Variants in NPIPB2 observed in about 807,000 individuals in gnomAD.
The protein encoded by NPIPB2 is nuclear pore complex-interacting protein family member B2.
In NPIPB2, 27 loss-of-function variants were observed where a neutral mutation model predicts 30.8. The ratio of observed to expected loss-of-function variants is 0.88; its 90% CI spans 0.65 to 1.21. The LOEUF (loss-of-function observed/expected upper bound fraction) is 1.21. Ranked by LOEUF, NPIPB2 falls within the 50% of genes most tolerant of loss-of-function variation. The pLI, the probability that NPIPB2 is intolerant of heterozygous loss-of-function variation, is 0.00. For missense variants in NPIPB2, 440 were observed against 446.2 expected (o/e 0.99, Z 0.13); for synonymous variants, 147 against 162.0 (o/e 0.91, Z 0.70).
intron 1 of NPIPB2, chr16:11,965,139 G>T (rs2055182954): frequency 1.5e-6 from 1 of 654,234 alleles, no homozygotes; most frequent in Non-Finnish European, 2.6e-6. Flanking sequence ...AATTAGATGT[G>T]GTATTCAAAT....
At chr16:11,974,643 TC>T (rs1266923579) in intron 1 of NPIPB2, among the ~76,000 whole-genome samples, 1 of 152,324 alleles carries the variant, frequency 6.6e-6, no homozygotes, top group East Asian at 1.9e-4. Flanking sequence ...TTAAAACATC[TC>T]CTTAAGTGTA....
At chr16:11,944,575 C>T (rs2054982642), upstream of NPIPB2, among the ~76,000 whole-genome samples, 1 of 150,150 alleles carries the variant, frequency 6.7e-6, no homozygotes, top group African/African-American at 2.4e-5. Flanking sequence ...CCAGCCTGAC[C>T]AACATGGCAA....
In NPIPB2 at chr16:11,933,077, A is replaced by G. The variant is rs1346793890; in HGVS notation, c.488+440T>C. 1.3e-5 allele frequency among the ~76,000 whole-genome samples: 2 copies of G among 151,882 alleles called. 1 individual carries two copies. On this transcript the variant is annotated intron_variant, in intron 4 of 7. Coordinates refer to ENST00000399147, the Ensembl canonical transcript of NPIPB2. ...GAAGTTCGAGACCAGCCTGGACAAC[A>G]TGGTGAAACCCCATCTCTAGTAAAA...
At chr16:11,966,386 C>G (rs1289933683) in intron 1 of NPIPB2, 5 of 1,574,492 alleles carry the variant, frequency 3.2e-6, no homozygotes, top group Non-Finnish European at 4.3e-6. Context: ...CAGGGGATGG[C>G]TATTGTGAGT....
chr16:11,932,008 C>G (rs1434365609), intron 4 of NPIPB2, among the ~76,000 whole-genome samples: 6 of 150,874 alleles, frequency 4.0e-5, no homozygotes, highest in African/African-American at 1.5e-4. Context: ...GATTGAGGGT[C>G]TGCCAATGAA....
chr16:11,935,369 A>C (rs1222028616), intron 2 of NPIPB2, among the ~76,000 whole-genome samples: 1 of 152,164 alleles, frequency 6.6e-6, no homozygotes, highest in Non-Finnish European at 1.5e-5. Flanking sequence ...GCTGAAGTGC[A>C]GTGGCGCTAC....
chr16:11,942,808 G>T (rs1038114239), upstream of NPIPB2, among the ~76,000 whole-genome samples: 5 of 152,048 alleles, frequency 3.3e-5, no homozygotes, highest in African/African-American at 1.2e-4. Flanking sequence ...TCCTGGCCCT[G>T]TCCTCAGCTA....
intron 1 of NPIPB2, chr16:11,941,725 G>A (rs1486218090): frequency 1.4e-5 from 11 of 769,538 alleles, no homozygotes; most frequent in African/African-American, 1.1e-4. Context: ...CACAATGGAC[G>A]TGCCTCACAA....
chr16:11,974,660 A>G (rs556092293), intron 1 of NPIPB2, among the ~76,000 whole-genome samples: 1 of 152,318 alleles, frequency 6.6e-6, no homozygotes, highest in East Asian at 1.9e-4. Context: ...GTGTATGCTT[A>G]TGTGTACAAG....
Position 11,964,950 on chromosome 16 carries a change from A to G in NPIPB2, c.-584+11618T>C, listed in dbSNP as rs559080559. ...CTCACAGAGTACAGCTTATTAACAG[A>G]TGTTCCAGAAACTGTTACTGAACAT... On this transcript the variant is annotated intron_variant, in intron 1 of 5. Coordinates refer to the NPIPB2 transcript ENST00000538896. Among the ~76,000 whole-genome samples, 6 of 152,300 alleles carry G rather than the reference A, an allele frequency of 3.9e-5. No homozygotes were observed. In the East Asian group the frequency reaches 1.2e-3, roughly 29 times the overall value.
chr16:11,956,852 T>C (rs553596531), intron 1 of NPIPB2, among the ~76,000 whole-genome samples: 14 of 152,290 alleles, frequency 9.2e-5, no homozygotes, highest in African/African-American at 3.1e-4. Flanking sequence ...ACCCCAGGGG[T>C]ACCAGGCACT....
chr16:11,944,075 T>A (rs2054975277), upstream of NPIPB2, among the ~76,000 whole-genome samples: 1 of 150,206 alleles, frequency 6.7e-6, no homozygotes, highest in African/African-American at 2.4e-5. Context: ...GCTGTGATAC[T>A]CGGTACATTA....
upstream of NPIPB2, among the ~76,000 whole-genome samples, chr16:11,945,097 G>A (rs1218374084): frequency 2.6e-5 from 4 of 152,084 alleles, no homozygotes; most frequent in African/African-American, 7.2e-5. Flanking sequence ...TGAGGCAGAA[G>A]AATCGCTTGA....
chr16:11,943,895 G>C (rs2054971713), upstream of NPIPB2, among the ~76,000 whole-genome samples: 1 of 147,770 alleles, frequency 6.8e-6, no homozygotes, highest in African/African-American at 2.5e-5. Context: ...CTATTTGGGA[G>C]GCCGAGGCAG....
intron 1 of NPIPB2, among the ~76,000 whole-genome samples, chr16:11,938,904 C>T (rs1419017658): frequency 4.6e-5 from 7 of 151,630 alleles, no homozygotes; most frequent in South Asian, 2.1e-4. Flanking sequence ...CCTGCCACCA[C>T]GCTCGGCTAA....
upstream of NPIPB2, chr16:11,942,202 A>G: frequency 1.3e-6 from 1 of 785,306 alleles, no homozygotes; most frequent in Non-Finnish European, 2.0e-6. Flanking sequence ...TTGTTCCAGC[A>G]AATCTCAATA....
chr16:11,968,021 A>G, intron 1 of NPIPB2: 1 of 698,900 alleles, frequency 1.4e-6, no homozygotes, highest in Middle Eastern at 4.1e-4. Flanking sequence ...TGGGAGCTTA[A>G]TGGTAGAAAC....
chr16:11,975,052 G>T (rs1411999192), intron 1 of NPIPB2, among the ~76,000 whole-genome samples: 1 of 149,866 alleles, frequency 6.7e-6, no homozygotes, highest in Non-Finnish European at 1.5e-5. Flanking sequence ...TCCAGCCTGG[G>T]CGACAGAGCG....
At chr16:11,971,330 T>G (rs370768) in intron 1 of NPIPB2, among the ~76,000 whole-genome samples, 1 of 151,876 alleles carries the variant, frequency 6.6e-6, no homozygotes, top group Non-Finnish European at 1.5e-5. Flanking sequence ...GTGGTTGGGC[T>G]ACAACTTTGT....
Sources: gnomAD v4.1 joint callset for allele counts (sites outside exome capture counted in the v4.1 genomes callset) on GRCh38, gnomAD v4.1.1 for gene constraint, MANE v1.5 for transcripts, NCBI Gene and HGNC (gene_info 2026-07-23, HGNC 2026-07-21) for gene names.